LPCAT3: variants seen among roughly 807,000 people sequenced by gnomAD.
The protein encoded by LPCAT3 is lysophospholipid acyltransferase 5.
In LPCAT3, 21 loss-of-function variants were observed where a neutral mutation model predicts 63.4. The ratio of observed to expected loss-of-function variants is 0.33; its 90% CI spans 0.23 to 0.48. The LOEUF is 0.48. Ranked by LOEUF, LPCAT3 falls within the 20% of genes least tolerant of loss-of-function variation. The pLI is 0.99. For missense variants in LPCAT3, 451 were observed against 590.6 expected (o/e 0.76, Z 2.45); for synonymous variants, 242 against 227.5 (o/e 1.06, Z -0.58).
At chr12:6,982,419 A>G (rs1555154229) in intron 3 of LPCAT3, among the ~76,000 whole-genome samples, 3 of 152,118 alleles carry the variant, frequency 2.0e-5, no homozygotes, top group Admixed American at 1.3e-4. Context: ...AGTGGGTTAA[A>G]CCAAAGAGCC....
chr12:7,000,914 A>G (rs1179242293), intron 1 of LPCAT3, among the ~76,000 whole-genome samples: 3 of 151,866 alleles, frequency 2.0e-5, no homozygotes, highest in African/African-American at 7.3e-5. Flanking sequence ...TCACCGTGTT[A>G]GCCAGGATAG....
intron 1 of LPCAT3, among the ~76,000 whole-genome samples, chr12:7,007,429 T>C (rs782528818): frequency 6.6e-6 from 1 of 152,054 alleles, no homozygotes; most frequent in East Asian, 1.9e-4. Flanking sequence ...TGTACAGTTT[T>C]CTTATAAAAG....
chr12:6,994,512 G>A (rs1466211325), intron 1 of LPCAT3, among the ~76,000 whole-genome samples: 3 of 151,378 alleles, frequency 2.0e-5, no homozygotes, highest in African/African-American at 7.3e-5. Context: ...TGTTGCCCAC[G>A]CTGGAGTGCA....
intron 1 of LPCAT3, among the ~76,000 whole-genome samples, chr12:6,983,742 G>A (rs1231585390): frequency 6.6e-6 from 1 of 152,142 alleles, no homozygotes; most frequent in Non-Finnish European, 1.5e-5. Flanking sequence ...TTGAACTAAA[G>A]ATATTAATAT....
At chr12:7,010,026 G>A (rs1431385902) in intron 1 of LPCAT3, among the ~76,000 whole-genome samples, 3 of 152,146 alleles carry the variant, frequency 2.0e-5, no homozygotes, top group Non-Finnish European at 2.9e-5. Flanking sequence ...TGAGCTTATG[G>A]TGAAACAGCT....
At chr12:6,988,019 C>G (rs991967161) in intron 1 of LPCAT3, 31 of 389,526 alleles carry the variant, frequency 8.0e-5, no homozygotes, top group Non-Finnish European at 1.1e-4. Flanking sequence ...TTACGGCAGG[C>G]CTTAGAAACC....
Position 6,990,822 on chromosome 12 carries a change from C to T in LPCAT3, c.152-7283G>A, listed in dbSNP as rs149351141. Among the ~76,000 whole-genome samples the T allele has an allele frequency of 2.7e-3, 400 of 147,222 alleles. 1 individual carries two copies. The highest frequency in any genetic ancestry group is 9.9e-3 in the African/African-American group (390 of 39,544). ...ATCCCAGCTACTTGGGAGGCTGAGG[C>T]AGGAGAATCGCTTGAACCCAGGAGG... On this transcript the variant is annotated intron_variant, in intron 1 of 12. Transcript: ENST00000261407.
At position 7,017,306 on chromosome 12, in the gene LPCAT3, TG is replaced by T. The variant is rs1317123418; in HGVS notation, c.151+967del. Among the ~76,000 whole-genome samples the T allele has an allele frequency of 6.6e-6, 1 of 152,226 alleles. No homozygotes were observed. Among genetic ancestry groups the T allele is most frequent in the African/African-American group, 2.4e-5 (1 of 41,458 alleles). ...TATATGTACAGGTACTTCCCAATCTTGGCCCTTCTACAGGACTTTATGGCAA... is the reference window on the plus strand; with the variant it reads ...TATATGTACAGGTACTTCCCAATCTTGCCCTTCTACAGGACTTTATGGCAA... On this transcript the variant is annotated intron_variant, in intron 1 of 12. Coordinates refer to ENST00000261407, the MANE Select transcript of LPCAT3 (RefSeq NM_005768.6). This position sits in a 1 kb window ranked among gnomAD's most constrained non-coding sequence, Gnocchi z 4.1.
Position 6,993,239 on chromosome 12 carries a change from A to C in LPCAT3, c.152-9700T>G, listed in dbSNP as rs1329464180. ...CAGATCACGAGGTCAGGAGATCAAG[A>C]CCATCCTGGCCAACATGGTGAAACC... On this transcript the variant is annotated intron_variant, in intron 1 of 12. Transcript: ENST00000261407. 2.6e-5 allele frequency among the ~76,000 whole-genome samples: 4 copies of C among 152,218 alleles called. No individual in the cohort carries two copies. In the South Asian group the frequency reaches 8.3e-4, roughly 32 times the overall value.
chr12:6,996,157 C>G (rs1946634465), intron 1 of LPCAT3, among the ~76,000 whole-genome samples: 1 of 152,196 alleles, frequency 6.6e-6, no homozygotes, highest in South Asian at 2.1e-4. Context: ...TGGCCTCTAC[C>G]CTTCTGCTCC....
chr12:6,983,311 T>C, intron 2 of LPCAT3, 121 bp downstream of exon 2: 5 of 684,838 alleles, frequency 7.3e-6, no homozygotes, highest in Middle Eastern at 2.8e-4. Context: ...TACAACCCTC[T>C]TTGCAAGTGG....
chr12:7,018,461 C>G lies in LPCAT3; in HGVS notation c.-37G>C. The G allele has an allele frequency of 6.5e-7, 1 of 1,532,444 alleles. No individual in the cohort carries two copies. The highest frequency in any genetic ancestry group is 8.8e-7 in the Non-Finnish European group (1 of 1,134,092). 94.9% of individuals were successfully genotyped at this position (1,532,444 alleles called of 1,614,324 possible). A position where few individuals can be genotyped will look rare whatever the true frequency, so the allele number is the denominator to read the frequency against. Reference sequence around the variant, plus strand: ...GAGCCCCACAGGGACCCCCCAGCTCCGCGCGCCCCGAATGCGGGCAAAACG... The same window carrying G: ...GAGCCCCACAGGGACCCCCCAGCTCGGCGCGCCCCGAATGCGGGCAAAACG... On this transcript the variant is annotated 5_prime_UTR_variant, in exon 1 of 13. Transcript: ENST00000261407. The surrounding 1 kb of genome is among the most constrained non-coding windows in gnomAD (Gnocchi z 4.9).
Position 6,987,874 on chromosome 12 carries a change from T to C in LPCAT3, c.152-4335A>G. 2.5e-6 allele frequency: 1 copy of C among 400,764 alleles called. No individual in the cohort carries two copies. The highest frequency in any genetic ancestry group is 4.4e-6 in the Non-Finnish European group (1 of 226,228). The allele number at this position is 400,764 out of a possible 1,614,324, so 24.8% of individuals were successfully genotyped here. A position where few individuals can be genotyped will look rare whatever the true frequency, so the allele number is the denominator to read the frequency against. ...TTGTCTGCCTGACTCTAACAAGGCC[T>C]ACACTGTCCTGAGTTCTGAGTTCTT... On this transcript the variant is annotated intron_variant, in intron 1 of 12. Coordinates refer to ENST00000261407, the MANE Select transcript of LPCAT3 (RefSeq NM_005768.6). This position sits in a 1 kb window ranked among gnomAD's most constrained non-coding sequence, Gnocchi z 4.1.
At chr12:7,012,056 G>C (rs1555157274) in intron 1 of LPCAT3, among the ~76,000 whole-genome samples, 1 of 152,128 alleles carries the variant, frequency 6.6e-6, no homozygotes, top group Non-Finnish European at 1.5e-5. Flanking sequence ...TTTAAAGGTC[G>C]CTAACTTTAG....
At chr12:6,994,623 C>G (rs1031131571) in intron 1 of LPCAT3, among the ~76,000 whole-genome samples, 1 of 152,042 alleles carries the variant, frequency 6.6e-6, no homozygotes, top group African/African-American at 2.4e-5. Context: ...TGCACAGGAC[C>G]GGCTAATTTC....
At chr12:7,016,746 G>T (rs1183190765) in intron 1 of LPCAT3, among the ~76,000 whole-genome samples, 5 of 152,354 alleles carry the variant, frequency 3.3e-5, no homozygotes, top group Admixed American at 2.6e-4. Context: ...AAACAAGGAT[G>T]AAAGAGTAGG....
rs782264749 is a variant in LPCAT3 at position 7,017,647 on chromosome 12, G to A, written c.151+627C>T. On this transcript the variant is annotated intron_variant, in intron 1 of 12. Transcript: ENST00000261407. This position sits in a 1 kb window ranked among gnomAD's most constrained non-coding sequence, Gnocchi z 4.1. ...AATAGTATGGATCGATTTTAAGGAGGTTGTTAGTCCTGTTTCCCAAGTCCA... is the reference window on the plus strand; with the variant it reads ...AATAGTATGGATCGATTTTAAGGAGATTGTTAGTCCTGTTTCCCAAGTCCA... Among the ~76,000 whole-genome samples the A allele has an allele frequency of 6.6e-6, 1 of 152,274 alleles. No homozygotes were observed. The highest frequency in any genetic ancestry group is 1.5e-5 in the Non-Finnish European group (1 of 68,028).
intron 1 of LPCAT3, among the ~76,000 whole-genome samples, chr12:7,012,383 C>CTTTAAGAAAG (rs58839411): frequency 0.38 from 57,716 of 151,760 alleles, 12,736 homozygotes; most frequent in African/African-American, 0.59. Context: ...CTCAGTGTGA[C>CTTTAAGAAAG]TTACTCAATC....
At chr12:7,014,697 C>T (rs1368368804) in intron 1 of LPCAT3, among the ~76,000 whole-genome samples, 1 of 151,932 alleles carries the variant, frequency 6.6e-6, no homozygotes, top group East Asian at 1.9e-4. Context: ...TAGATTGAGA[C>T]CATCCTAGCC....
Sources: gnomAD v4.1 joint callset for allele counts (sites outside exome capture counted in the v4.1 genomes callset) on GRCh38, gnomAD v4.1.1 for gene constraint, Gnocchi (gnomAD v3.1) non-coding constraint, MANE v1.5 for transcripts, NCBI Gene and HGNC (gene_info 2026-07-23, HGNC 2026-07-21) for gene names.